The following RAI1 variants were observed in gnomAD, a reference collection of about 807,000 sequenced individuals.
RAI1 encodes retinoic acid induced 1, also known as retinoic acid-induced protein 1.
A neutral mutation model predicts 123.8 loss-of-function variants in RAI1; 9 were observed. The observed-to-expected ratio is 0.07, with a 90% CI of 0.04 to 0.13. RAI1 has a LOEUF of 0.13. Ranked by LOEUF, RAI1 falls within the 10% of genes least tolerant of loss-of-function variation. The pLI, the probability that RAI1 is intolerant of heterozygous loss-of-function variation, is 1.00. For synonymous variants in RAI1, 1,231 were observed against 1,127.3 expected, an observed-to-expected ratio of 1.09 and a Z score of -1.84; for missense variants, 2,256 against 2,545.8, an observed-to-expected ratio of 0.89 and a Z score of 2.45.
intron 2 of RAI1, among the ~76,000 whole-genome samples, chr17:17,768,513 C>G (rs1415090667): frequency 2.0e-5 from 3 of 152,150 alleles, no homozygotes; most frequent in African/African-American, 4.8e-5. Context: ...AGAACAGTAC[C>G]CCAGCGAGGC....
chr17:17,744,789 CAAAAAAAAA>C (rs58984430), intron 2 of RAI1, among the ~76,000 whole-genome samples: 1 of 46,808 alleles, frequency 2.1e-5, no homozygotes, highest in South Asian at 9.2e-4. Context: ...GACTCCGTCT[CAAAAAAAAA>C]AAAAAAAAAA....
At chr17:17,717,486 G>A (rs1915745996) in intron 1 of RAI1, among the ~76,000 whole-genome samples, 1 of 152,104 alleles carries the variant, frequency 6.6e-6, no homozygotes, top group South Asian at 2.1e-4. Context: ...GAAGACCCCT[G>A]CCTGCCTCTC....
chr17:17,794,936 A>T lies in RAI1; in HGVS notation c.1988A>T (p.Glu663Val). 1 of 1,613,662 alleles carries T rather than the reference A, an allele frequency of 6.2e-7. No homozygotes were observed. Among genetic ancestry groups the T allele is most frequent in the East Asian group, 2.2e-5 (1 of 44,874 alleles). ...AAGAGTGCGTGGCCCCGGCCTGGGG[A>T]GCCGGAGGCCCTGCCCGACTCCTTG... ...VAKSAWPRPG[E>V]PEALPDSLQL... The change falls in exon 3 of 6, where the codon GAG (glutamate) becomes GTG (valine). Residue 663 changes from glutamate (E) to valine (V), a missense_variant. Physicochemically the swap from Glu to Val is moderately radical, Grantham distance 121. Transcript: ENST00000353383.
intron 2 of RAI1, chr17:17,776,860 T>TC (rs1318139684): frequency 6.6e-6 from 1 of 151,510 alleles, no homozygotes; most frequent in Non-Finnish European, 1.5e-5. Context: ...AGGTAGGATC[T>TC]CCCCATGTTA....
intron 1 of RAI1, among the ~76,000 whole-genome samples, chr17:17,719,850 G>C (rs112373488): frequency 0.013 from 1,906 of 152,228 alleles, 49 homozygotes; most frequent in African/African-American, 0.044. Flanking sequence ...CTGATGGGGC[G>C]GGGGGAGATA....
At chr17:17,762,731 A>G (rs1374384896) in intron 2 of RAI1, among the ~76,000 whole-genome samples, 6 of 152,102 alleles carry the variant, frequency 3.9e-5, no homozygotes, top group African/African-American at 1.2e-4. Context: ...AGGTGAGCTC[A>G]GTAGAACCAA....
chr17:17,720,995 C>T (rs962534992), intron 1 of RAI1, among the ~76,000 whole-genome samples: 1 of 152,118 alleles, frequency 6.6e-6, no homozygotes, highest in Non-Finnish European at 1.5e-5. Flanking sequence ...CACCCACCAC[C>T]ATCCCATCCC....
chr17:17,740,139 C>T (rs1038849055), intron 2 of RAI1, among the ~76,000 whole-genome samples: 1 of 152,238 alleles, frequency 6.6e-6, no homozygotes, highest in Non-Finnish European at 1.5e-5. Flanking sequence ...GTGCCTGGGA[C>T]TCTGGGCTTA....
intron 2 of RAI1, among the ~76,000 whole-genome samples, chr17:17,774,458 G>A (rs1015904153): frequency 3.3e-5 from 5 of 152,256 alleles, no homozygotes; most frequent in Non-Finnish European, 7.3e-5. Flanking sequence ...AGGGGCCTCC[G>A]GCCCGTCAGC....
chr17:17,755,403 A>T (rs2030397909), intron 2 of RAI1, among the ~76,000 whole-genome samples: 1 of 152,154 alleles, frequency 6.6e-6, no homozygotes, highest in Admixed American at 6.5e-5. Context: ...GGGCACTGGA[A>T]CCACTTGGCA....
At chr17:17,784,919 C>T (rs912467878) in intron 2 of RAI1, among the ~76,000 whole-genome samples, 5 of 152,176 alleles carry the variant, frequency 3.3e-5, no homozygotes, top group South Asian at 2.1e-4. Flanking sequence ...CAGTCCCACC[C>T]AGGCTGCTGC....
intron 1 of RAI1, among the ~76,000 whole-genome samples, chr17:17,721,856 C>A (rs1915893262): frequency 6.6e-6 from 1 of 152,200 alleles, no homozygotes; most frequent in African/African-American, 2.4e-5. Flanking sequence ...TAGGGATTCA[C>A]TTCTGGTAGG....
At chr17:17,710,764 A>G (rs1243771192) in intron 1 of RAI1, among the ~76,000 whole-genome samples, 3 of 152,242 alleles carry the variant, frequency 2.0e-5, no homozygotes, top group Admixed American at 1.3e-4. Flanking sequence ...CATTTGAGAC[A>G]GAGCCCTCTG....
chr17:17,742,814 G>T (rs76982527), intron 2 of RAI1, among the ~76,000 whole-genome samples: 2,404 of 152,258 alleles, frequency 0.016, 30 homozygotes, highest in Middle Eastern at 0.044. Flanking sequence ...ACCCTATGGG[G>T]CCCCTCGGCC....
intron 2 of RAI1, among the ~76,000 whole-genome samples, chr17:17,789,830 G>A (rs1340347069): frequency 2.0e-5 from 3 of 152,316 alleles, no homozygotes; most frequent in African/African-American, 2.4e-5. Context: ...GGATGGATGG[G>A]AATGAGTGGG....
At chr17:17,767,579 G>A (rs2030987278) in intron 2 of RAI1, among the ~76,000 whole-genome samples, 1 of 152,188 alleles carries the variant, frequency 6.6e-6, no homozygotes, top group Non-Finnish European at 1.5e-5. Flanking sequence ...TTTCCATTGT[G>A]CTTCAGATCA....
rs767340319 is a variant in RAI1, at chr17:17,794,258, C to G, written c.1310C>G (p.Ala437Gly). The change falls in exon 3 of 6, where the codon GCG (alanine) becomes GGG (glycine). Residue 437 changes from alanine to glycine, a missense_variant. Ala to Gly is a moderately conservative substitution (Grantham distance 60, BLOSUM62 0). Around this residue, in one of 7 missense-constraint regions of RAI1, gnomAD observed 357 missense variants for 480.2 expected, o/e 0.74. Transcript: ENST00000353383. The stretch of plus-strand genomic sequence containing the variant: ...GATCTCAGCCTGCAGAGCCTCACGG[C>G]GCTGACCTCACAGGTGGAGAACATC... ...LSDLSLQSLT[A>G]LTSQVENISN... 1.1e-5 allele frequency: 18 copies of G among 1,613,228 alleles called. No homozygotes were observed. Among genetic ancestry groups the G allele is most frequent in the African/African-American group, 1.3e-5 (1 of 74,932 alleles).
rs777325097 is a variant in RAI1 at position 17,794,214 on chromosome 17, C to G, written c.1266C>G (p.Leu422=). The change falls in exon 3 of 6, where the codon CTC becomes CTG. Residue 422 remains leucine, a synonymous_variant. Transcript: ENST00000353383. ...GNCKPLQKDK[L]PENLLSDLSL... The stretch of plus-strand genomic sequence containing the variant: ...GCAAGCCCCTTCAGAAGGACAAGCT[C>G]CCTGAGAACCTGCTGTCGGATCTCA... 1 of 1,613,516 alleles carries G rather than the reference C, an allele frequency of 6.2e-7. No homozygotes were observed. Among genetic ancestry groups the G allele is most frequent in the Non-Finnish European group, 8.5e-7 (1 of 1,180,038 alleles).
At chr17:17,739,092 G>T (rs1164600905) in intron 2 of RAI1, among the ~76,000 whole-genome samples, 2 of 152,152 alleles carry the variant, frequency 1.3e-5, no homozygotes, top group African/African-American at 4.8e-5. Context: ...GGAGACAGAG[G>T]CAATTCAAAG....
Sources: allele counts gnomAD v4.1 joint callset (sites outside exome capture counted in the v4.1 genomes callset), GRCh38; gene constraint gnomAD v4.1.1; regional missense constraint gnomAD v4.1.1; transcripts MANE v1.5; gene names NCBI Gene and HGNC (gene_info 2026-07-23, HGNC 2026-07-21).